KCNK2: variants seen among roughly 807,000 people sequenced by gnomAD.
The protein encoded by KCNK2 is potassium channel subfamily K member 2.
Under a neutral mutation model 40.5 loss-of-function variants are expected in KCNK2, and 21 were observed. The observed-to-expected ratio is 0.52, with a 90% confidence interval of 0.37 to 0.75. KCNK2 has a LOEUF of 0.75. KCNK2 is among the 30% of genes least tolerant of loss of function. The probability of loss-of-function intolerance (pLI) is 0.00; values close to 1 mark genes in which losing one functional copy is unlikely to be tolerated. For missense variants in KCNK2, 399 were observed against 531.6 expected (o/e 0.75, Z 2.45); for synonymous variants, 191 against 202.2 (o/e 0.94, Z 0.47).
chr1:215,016,786 A>C (rs1157705261), intron 1 of KCNK2, among the ~76,000 whole-genome samples: 2 of 152,182 alleles, frequency 1.3e-5, no homozygotes, highest in Non-Finnish European at 2.9e-5. Context: ...ACAGCAAAGG[A>C]AACAGTTAAC....
At chr1:215,044,430 TG>T (rs1444782711) in intron 1 of KCNK2, among the ~76,000 whole-genome samples, 1 of 152,132 alleles carries the variant, frequency 6.6e-6, no homozygotes, top group African/African-American at 2.4e-5. Context: ...ATGTAATTGA[TG>T]AAAGTACGTG....
At chr1:215,153,647 C>G (rs1455078138) in intron 3 of KCNK2, among the ~76,000 whole-genome samples, 1 of 151,074 alleles carries the variant, frequency 6.6e-6, no homozygotes, top group Non-Finnish European at 1.5e-5. Context: ...CTTTAAGTTC[C>G]GGGATACGTG....
chr1:215,053,896 G>A (rs1261920974), intron 1 of KCNK2, among the ~76,000 whole-genome samples: 1 of 152,204 alleles, frequency 6.6e-6, no homozygotes, highest in Non-Finnish European at 1.5e-5. Context: ...GAGGCCGGGA[G>A]GCGGAGGTTG....
chr1:215,085,087 T>C (rs1464335359), intron 1 of KCNK2, among the ~76,000 whole-genome samples: 2 of 152,222 alleles, frequency 1.3e-5, no homozygotes, highest in Non-Finnish European at 2.9e-5. Context: ...TTTATTAGCT[T>C]CTCATACTGA....
intron 6 of KCNK2, among the ~76,000 whole-genome samples, chr1:215,227,960 A>AC: frequency 6.6e-6 from 1 of 151,768 alleles, no homozygotes; most frequent in South Asian, 2.1e-4. Flanking sequence ...TTAAGTTAAA[A>AC]AAAAAAAGTT....
intron 3 of KCNK2, among the ~76,000 whole-genome samples, chr1:215,140,209 T>C (rs1329662877): frequency 3.3e-5 from 5 of 152,202 alleles, no homozygotes; most frequent in Non-Finnish European, 5.9e-5. Context: ...CTACTAGTTA[T>C]ACTGTCTGTC....
At chr1:215,063,875 A>G (rs1658442725) in intron 1 of KCNK2, among the ~76,000 whole-genome samples, 1 of 152,216 alleles carries the variant, frequency 6.6e-6, no homozygotes, top group South Asian at 2.1e-4. Context: ...CTCCCTTCAC[A>G]ATATTTTCAA....
chr1:215,162,059 C>G (rs1003002368), intron 3 of KCNK2, among the ~76,000 whole-genome samples: 1 of 152,166 alleles, frequency 6.6e-6, no homozygotes, highest in Admixed American at 6.5e-5. Flanking sequence ...TAACAGCATT[C>G]CTATTTCTCC....
At chr1:215,049,941 C>G (rs1261214457) in intron 1 of KCNK2, among the ~76,000 whole-genome samples, 1 of 152,112 alleles carries the variant, frequency 6.6e-6, no homozygotes, top group African/African-American at 2.4e-5. Flanking sequence ...TAGAGTGATT[C>G]CTACCACTTT....
At chr1:215,138,111 A>G (rs968665575) in intron 3 of KCNK2, among the ~76,000 whole-genome samples, 3 of 152,214 alleles carry the variant, frequency 2.0e-5, no homozygotes, top group African/African-American at 4.8e-5. Context: ...ACATGTTCCA[A>G]TGTAGGTGCT....
intron 6 of KCNK2, among the ~76,000 whole-genome samples, chr1:215,202,182 G>C (rs1665107014): frequency 6.6e-6 from 1 of 152,162 alleles, no homozygotes; most frequent in Admixed American, 6.5e-5. Context: ...AATAGAAGCA[G>C]GAAGCGTCAC....
intron 6 of KCNK2, among the ~76,000 whole-genome samples, chr1:215,199,050 C>T (rs898818117): frequency 5.9e-5 from 9 of 152,080 alleles, no homozygotes; most frequent in African/African-American, 2.2e-4. Context: ...GGCGCTGTGG[C>T]TCATGCCTGT....
chr1:215,088,228 C>G (rs1659538638), intron 2 of KCNK2, among the ~76,000 whole-genome samples: 1 of 152,132 alleles, frequency 6.6e-6, no homozygotes, highest in Admixed American at 6.6e-5. Context: ...TCTTGGATAT[C>G]TTGGTGGAGG....
chr1:215,203,570 A>C (rs1400268319), intron 6 of KCNK2, among the ~76,000 whole-genome samples: 1 of 151,972 alleles, frequency 6.6e-6, no homozygotes, highest in Admixed American at 6.6e-5. Flanking sequence ...TCTATGTAGA[A>C]CATAAAATAT....
At chr1:215,221,679 G>C (rs772711230) in intron 6 of KCNK2, among the ~76,000 whole-genome samples, 2 of 152,110 alleles carry the variant, frequency 1.3e-5, no homozygotes, top group Non-Finnish European at 2.9e-5. Flanking sequence ...CTGTCTCAGC[G>C]ATTGCAGAGG....
At chr1:215,112,517 T>G (rs1660740553) in intron 2 of KCNK2, among the ~76,000 whole-genome samples, 1 of 152,146 alleles carries the variant, frequency 6.6e-6, no homozygotes, top group Non-Finnish European at 1.5e-5. Context: ...AATTTGTTAT[T>G]GAAGAAAGTT....
intron 2 of KCNK2, among the ~76,000 whole-genome samples, chr1:215,123,798 ATCTG>A (rs1232038604): frequency 6.6e-6 from 1 of 152,090 alleles, no homozygotes. Flanking sequence ...ATCCTCTGTA[ATCTG>A]TCTCTCTTCT....
At chr1:215,089,429 G>A (rs1659600047) in intron 2 of KCNK2, among the ~76,000 whole-genome samples, 1 of 152,156 alleles carries the variant, frequency 6.6e-6, no homozygotes, top group Non-Finnish European at 1.5e-5. Context: ...GAAGTGAGTG[G>A]TCTGACAGTG....
At chr1:215,021,087 CAT>C (rs1558059152) in intron 1 of KCNK2, among the ~76,000 whole-genome samples, 2 of 152,046 alleles carry the variant, frequency 1.3e-5, no homozygotes, top group African/African-American at 4.8e-5. Flanking sequence ...ATATTAAGAA[CAT>C]ATTTTTTAAC....
Sources: allele counts gnomAD v4.1 joint callset (sites outside exome capture counted in the v4.1 genomes callset), GRCh38; gene constraint gnomAD v4.1.1; transcripts MANE v1.5; gene names NCBI Gene and HGNC (gene_info 2026-07-23, HGNC 2026-07-21).